The following DACH2 variants were observed in gnomAD, a reference collection of about 807,000 sequenced individuals.
DACH2 encodes the protein dachshund homolog 2.
A neutral mutation model predicts 35.8 loss-of-function variants in DACH2; 17 were observed. That is an observed-to-expected ratio of 0.48 (90% CI 0.33 to 0.71). DACH2 has a LOEUF of 0.71. DACH2 is among the 30% of genes least tolerant of loss of function. The pLI is 0.02. For missense variants in DACH2, 469 were observed against 472.7 expected (o/e 0.99, Z 0.07); for synonymous variants, 195 against 177.3 (o/e 1.10, Z -0.79).
chrX:86,761,981 A>G (rs2041888072), intron 7 of DACH2, among the ~76,000 whole-genome samples: 2 of 110,500 alleles, frequency 1.8e-5, no homozygotes, highest in Non-Finnish European at 3.8e-5. Flanking sequence ...GGCAGTGGTC[A>G]TTGCACGGTC....
Position 86,328,631 on chromosome X carries a change from C to T in DACH2, c.489-48193C>T, listed in dbSNP as rs769077876. Among the ~76,000 whole-genome samples the T allele has an allele frequency of 1.6e-4, 18 of 111,612 alleles. 1 individual carries two copies. The highest frequency in any genetic ancestry group is 9.1e-3 in the Middle Eastern group (2 of 219). On this transcript the variant is annotated intron_variant, in intron 1 of 11. Coordinates refer to ENST00000373125, the MANE Select transcript of DACH2 (RefSeq NM_053281.3). ...AGAAAAATGACCTTTGATTTTGAGA[C>T]CTGGGACTTCGTTTCAGCTTTGAGT...
chrX:86,323,409 C>T (rs1602403170), intron 1 of DACH2, among the ~76,000 whole-genome samples: 1 of 111,725 alleles, frequency 9.0e-6, no homozygotes, highest in African/African-American at 3.3e-5. Context: ...AACATGAAAT[C>T]CCCCTGTCTG....
At chrX:86,639,366 C>A (rs957704601) in intron 3 of DACH2, among the ~76,000 whole-genome samples, 2 of 111,630 alleles carry the variant, frequency 1.8e-5, no homozygotes, top group African/African-American at 6.5e-5. Flanking sequence ...TGAACCCAGT[C>A]CACCAGGACC....
At chrX:86,434,060 T>A (rs1477486075) in intron 2 of DACH2, among the ~76,000 whole-genome samples, 2 of 112,135 alleles carry the variant, frequency 1.8e-5, no homozygotes, top group African/African-American at 6.5e-5. Context: ...TTAATGTCTT[T>A]GATGTTTTGA....
At chrX:86,666,653 T>C (rs1212840117) in intron 4 of DACH2, among the ~76,000 whole-genome samples, 2 of 111,397 alleles carry the variant, frequency 1.8e-5, no homozygotes, top group African/African-American at 6.5e-5. Flanking sequence ...GTAAGTGGGA[T>C]AAGATTACAG....
intron 1 of DACH2, among the ~76,000 whole-genome samples, chrX:86,293,468 G>T (rs1309304035): frequency 9.3e-6 from 1 of 107,315 alleles, no homozygotes; most frequent in African/African-American, 3.4e-5. Flanking sequence ...CTGTCATTAT[G>T]ATGTTAGCTG....
intron 4 of DACH2, among the ~76,000 whole-genome samples, chrX:86,693,117 G>T (rs1210493215): frequency 8.9e-6 from 1 of 112,388 alleles, no homozygotes; most frequent in Non-Finnish European, 1.9e-5. Context: ...AGAACAAGTG[G>T]TAATCATAGA....
intron 2 of DACH2, among the ~76,000 whole-genome samples, chrX:86,463,294 G>A (rs994277436): frequency 9.1e-6 from 1 of 109,408 alleles, no homozygotes; most frequent in African/African-American, 3.3e-5. Flanking sequence ...AATCTAGTAG[G>A]AGAAATAATT....
intron 2 of DACH2, among the ~76,000 whole-genome samples, chrX:86,397,998 C>T (rs1234330644): frequency 9.0e-6 from 1 of 111,592 alleles, no homozygotes; most frequent in African/African-American, 3.3e-5. Context: ...TGGTAGAATT[C>T]GGCTGTGAAT....
In DACH2 at chrX:86,343,784, C is replaced by T. The variant is rs760899733; in HGVS notation, c.489-33040C>T. On this transcript the variant is annotated intron_variant, in intron 1 of 11. Coordinates refer to ENST00000373125, the MANE Select transcript of DACH2 (RefSeq NM_053281.3). ...AAACTTGTATTTATTATATTGATGT[C>T]CTTAGAAGACATAATTTAAAAACAT... Among the ~76,000 whole-genome samples, 180 of 110,664 alleles carry T rather than the reference C, an allele frequency of 1.6e-3. 2 individuals carry two copies. Among genetic ancestry groups the T allele is most frequent in the Middle Eastern group, 0.014 (3 of 213 alleles).
chrX:86,468,133 C>G (rs1003639473), intron 2 of DACH2, among the ~76,000 whole-genome samples: 2 of 111,727 alleles, frequency 1.8e-5, no homozygotes, highest in Non-Finnish European at 3.8e-5. Context: ...ATCCTACATT[C>G]TATTTGGACA....
At chrX:86,575,214 T>C (rs1293944704) in intron 3 of DACH2, among the ~76,000 whole-genome samples, 2 of 111,153 alleles carry the variant, frequency 1.8e-5, no homozygotes, top group Admixed American at 1.9e-4. Flanking sequence ...TTTAAACTCT[T>C]TCTATAGTAG....
intron 1 of DACH2, among the ~76,000 whole-genome samples, chrX:86,376,569 T>TCAATGGGG (rs1052058385): frequency 1.8e-5 from 2 of 110,863 alleles, no homozygotes; most frequent in Non-Finnish European, 3.8e-5. Context: ...TATTCTTTAG[T>TCAATGGGG]CAATGGGGAT....
chrX:86,219,186 A>G (rs2032645470), intron 1 of DACH2, among the ~76,000 whole-genome samples: 1 of 112,102 alleles, frequency 8.9e-6, no homozygotes, highest in Non-Finnish European at 1.9e-5. Flanking sequence ...AACACTTCAT[A>G]GAAAATAGAT....
chrX:86,711,430 T>C (rs758710720), intron 5 of DACH2, among the ~76,000 whole-genome samples: 1 of 111,966 alleles, frequency 8.9e-6, no homozygotes, highest in Admixed American at 9.5e-5. Context: ...AAAAAAAGAA[T>C]TATTCTTTTA....
At chrX:86,276,082 G>C (rs942721760) in intron 1 of DACH2, among the ~76,000 whole-genome samples, 1 of 112,146 alleles carries the variant, frequency 8.9e-6, no homozygotes. Context: ...CCAGCAGTGA[G>C]ATTGCTGGAT....
intron 4 of DACH2, among the ~76,000 whole-genome samples, chrX:86,667,540 A>G (rs868626435): frequency 1.1e-4 from 6 of 52,724 alleles, no homozygotes; most frequent in Admixed American, 7.8e-4. Flanking sequence ...AAAGAAAGAA[A>G]GAAAGAAGAA....
intron 3 of DACH2, among the ~76,000 whole-genome samples, chrX:86,639,697 TAAG>T (rs1400560082): frequency 1.8e-5 from 2 of 111,314 alleles, no homozygotes; most frequent in Admixed American, 1.9e-4. Context: ...TGCACCTCCC[TAAG>T]AAGGAGCTCC....
intron 1 of DACH2, among the ~76,000 whole-genome samples, chrX:86,170,248 G>A (rs935532584): frequency 9.0e-6 from 1 of 111,679 alleles, no homozygotes; most frequent in African/African-American, 3.3e-5. Flanking sequence ...AGTGACACAA[G>A]CACCCCTGTT....
Sources: gnomAD v4.1 joint callset for allele counts (sites outside exome capture counted in the v4.1 genomes callset) on GRCh38, gnomAD v4.1.1 for gene constraint, MANE v1.5 for transcripts, NCBI Gene and HGNC (gene_info 2026-07-23, HGNC 2026-07-21) for gene names.